Variants in DECR1 observed in about 807,000 individuals in gnomAD.
DECR1 encodes the protein 2,4-dienoyl-CoA reductase 1.
DECR1 carries 44 observed loss-of-function variants against 38.8 expected under a neutral mutation model. That is an observed-to-expected ratio of 1.13 (90% CI 0.89 to 1.46). The LOEUF is 1.46. DECR1 is among the 40% of genes most tolerant of loss of function. DECR1 has a pLI of 0.00. For missense variants in DECR1, 428 were observed against 405.5 expected (o/e 1.06, Z -0.48); for synonymous variants, 148 against 135.2 (o/e 1.09, Z -0.66).
intron 1 of DECR1, among the ~76,000 whole-genome samples, chr8:90,007,363 G>A (rs987907634): frequency 7.9e-5 from 12 of 152,116 alleles, no homozygotes; most frequent in Non-Finnish European, 1.8e-4. Context: ...AGCAGTCCTC[G>A]GAAGATCAGT....
chr8:90,035,144 G>C (rs1813589174), intron 5 of DECR1, among the ~76,000 whole-genome samples: 1 of 152,052 alleles, frequency 6.6e-6, no homozygotes, highest in South Asian at 2.1e-4. Flanking sequence ...CTGCAATTAG[G>C]ATTCTATATA....
At chr8:90,038,151 T>G (rs1813658815) in intron 6 of DECR1, among the ~76,000 whole-genome samples, 1 of 152,214 alleles carries the variant, frequency 6.6e-6, no homozygotes, top group Admixed American at 6.5e-5. Flanking sequence ...TTAGCTGAGC[T>G]TAAATTTTTT....
At chr8:90,028,345 C>T (rs1226278368) in intron 5 of DECR1, among the ~76,000 whole-genome samples, 2 of 151,948 alleles carry the variant, frequency 1.3e-5, no homozygotes, top group African/African-American at 4.8e-5. Flanking sequence ...CTTAAAATTA[C>T]ATTTTGATTG....
At chr8:90,041,747 A>G (rs10504888) in intron 6 of DECR1, among the ~76,000 whole-genome samples, 6,500 of 152,160 alleles carry the variant, frequency 0.043, 281 homozygotes, top group East Asian at 0.19. Flanking sequence ...TGATGTGACT[A>G]TTGCAGTTAT....
chr8:90,011,451 A>G (rs1812881457), intron 1 of DECR1, among the ~76,000 whole-genome samples: 1 of 152,192 alleles, frequency 6.6e-6, no homozygotes, highest in Admixed American at 6.5e-5. Flanking sequence ...GCATTTTCAA[A>G]ACAATTTTAG....
intron 2 of DECR1, 162 bp from the exon 3 acceptor site, chr8:90,018,747 A>G (rs1813072062): frequency 3.3e-6 from 2 of 607,492 alleles, no homozygotes; most frequent in East Asian, 2.9e-5. Flanking sequence ...TATAAAAATG[A>G]TCTAAATTTG....
At chr8:90,019,219 A>G (rs769505978) in intron 4 of DECR1, 47 bp downstream of exon 4, 26 of 1,423,656 alleles carry the variant, frequency 1.8e-5, no homozygotes, top group South Asian at 5.8e-5. Context: ...CTTGATGTTG[A>G]TAACACCCAC....
At chr8:90,025,849 GC>G (rs1813321192) in intron 5 of DECR1, among the ~76,000 whole-genome samples, 1 of 152,106 alleles carries the variant, frequency 6.6e-6, no homozygotes, top group Non-Finnish European at 1.5e-5. Context: ...TATGATATTG[GC>G]TCTGGGTTTG....
At chr8:90,030,748 A>G (rs1813475252) in intron 5 of DECR1, among the ~76,000 whole-genome samples, 1 of 152,172 alleles carries the variant, frequency 6.6e-6, no homozygotes, top group Non-Finnish European at 1.5e-5. Flanking sequence ...ACATAAGTAC[A>G]TTTCTTTATA....
chr8:90,012,567 A>G (rs1812912571), intron 1 of DECR1, among the ~76,000 whole-genome samples: 1 of 152,232 alleles, frequency 6.6e-6, no homozygotes, highest in African/African-American at 2.4e-5. Context: ...GATTTCAATC[A>G]TATATTCACA....
chr8:90,032,181 G>A (rs1009012407), intron 5 of DECR1, among the ~76,000 whole-genome samples: 3 of 152,058 alleles, frequency 2.0e-5, no homozygotes, highest in African/African-American at 7.2e-5. Context: ...CATTTAGGTC[G>A]TTGGAAGAAT....
intron 8 of DECR1, among the ~76,000 whole-genome samples, chr8:90,047,026 AAGGAAG>A (rs1813925717): frequency 6.6e-6 from 1 of 152,198 alleles, no homozygotes; most frequent in Admixed American, 6.5e-5. Flanking sequence ...AGAACTCCTG[AAGGAAG>A]CACTAAACAT....
chr8:90,038,085 T>A (rs971302965), intron 6 of DECR1, among the ~76,000 whole-genome samples: 1 of 152,232 alleles, frequency 6.6e-6, no homozygotes, highest in Non-Finnish European at 1.5e-5. Context: ...TTGTGTACCT[T>A]ATATATGCTT....
chr8:90,042,845 AT>A (rs1384738160), intron 7 of DECR1, 45 bp downstream of exon 7: 1 of 1,463,986 alleles, frequency 6.8e-7, no homozygotes, highest in East Asian at 2.3e-5. Flanking sequence ...TGATTAAATA[AT>A]GAAACACTGA....
At chr8:90,014,138 G>A (rs1036377960) in intron 1 of DECR1, among the ~76,000 whole-genome samples, 15 of 152,086 alleles carry the variant, frequency 9.9e-5, no homozygotes, top group African/African-American at 1.9e-4. Flanking sequence ...ATCTTGATAC[G>A]AAAGGTGTTA....
chr8:90,044,739 A>C (rs1586165295), intron 7 of DECR1, 110 bp from the exon 8 acceptor site: 2 of 1,104,692 alleles, frequency 1.8e-6, no homozygotes. Flanking sequence ...TACAAAGCCT[A>C]AGGTTTTAAG....
chr8:90,043,898 G>GA (rs1236710316), intron 7 of DECR1, among the ~76,000 whole-genome samples: 1 of 152,086 alleles, frequency 6.6e-6, no homozygotes, highest in East Asian at 1.9e-4. Flanking sequence ...AATATCTAGG[G>GA]AAAAATCACC....
rs573545062 is a variant in DECR1, at chr8:90,041,270, C to A, written c.666-1458C>A. ...AGTTTGCTGGCTGCGTAAATGTCTT[C>A]TTTTGAGAAGCGTCTGTTCATATCC... On this transcript the variant is annotated intron_variant, in intron 6 of 9. Coordinates refer to ENST00000220764, the MANE Select transcript of DECR1 (RefSeq NM_001359.2). Among the ~76,000 whole-genome samples, 10 of 152,148 alleles carry A rather than the reference C, an allele frequency of 6.6e-5. No homozygotes were observed. In the South Asian group the frequency reaches 2.1e-3, roughly 32 times the overall value.
rs142414968 is a variant in DECR1 at position 90,016,068 on chromosome 8, G to T, written c.70-1056G>T. Among the ~76,000 whole-genome samples, 977 of 152,240 alleles carry T rather than the reference G, an allele frequency of 6.4e-3. 6 individuals are homozygous for T. Among genetic ancestry groups the T allele is most frequent in the African/African-American group, 0.023 (942 of 41,532 alleles). Reference sequence around the variant, plus strand: ...ATGCGAGAGAATGGCAGTGATGTTCGCATGTAATGTGAGTACAAGCTGTTA... The same window carrying T: ...ATGCGAGAGAATGGCAGTGATGTTCTCATGTAATGTGAGTACAAGCTGTTA... On this transcript the variant is annotated intron_variant, in intron 1 of 9. Transcript: ENST00000220764.
Sources: allele counts gnomAD v4.1 joint callset (sites outside exome capture counted in the v4.1 genomes callset), GRCh38; gene constraint gnomAD v4.1.1; transcripts MANE v1.5; gene names NCBI Gene and HGNC (gene_info 2026-07-23, HGNC 2026-07-21).